Variants in CACNA1C observed in about 807,000 individuals in gnomAD.
CACNA1C encodes voltage-dependent L-type calcium channel subunit alpha-1C.
CACNA1C carries 30 observed loss-of-function variants against 229.0 expected under a neutral mutation model. That is an observed-to-expected ratio of 0.13 (90% CI 0.10 to 0.18). CACNA1C has a LOEUF of 0.18. Among genes scored for constraint, CACNA1C ranks in the 10% least tolerant of loss-of-function variants. CACNA1C has a pLI of 1.00. For synonymous variants in CACNA1C, 1,114 were observed against 1,132.5 expected (o/e 0.98, Z 0.33); for missense variants, 1,658 against 2,845.0 (o/e 0.58, Z 9.49).
chr12:2,558,073 A>G (rs1394731454), intron 11 of CACNA1C, among the ~76,000 whole-genome samples: 1 of 152,330 alleles, frequency 6.6e-6, no homozygotes, highest in African/African-American at 2.4e-5. Flanking sequence ...CCAGCTGAGT[A>G]AATGTAGCCC....
intron 1 of CACNA1C, among the ~76,000 whole-genome samples, chr12:2,109,861 A>T (rs2080947626): frequency 6.6e-6 from 1 of 152,202 alleles, no homozygotes. Flanking sequence ...GTAGAAGAGC[A>T]TATGGCTTGA....
intron 7 of CACNA1C, among the ~76,000 whole-genome samples, chr12:2,499,543 G>A: frequency 6.6e-6 from 1 of 152,136 alleles, no homozygotes; most frequent in East Asian, 1.9e-4. Flanking sequence ...TTTAAATCTG[G>A]GGTTCCCTTC....
rs142234121 is a variant in CACNA1C at position 2,325,592 on chromosome 12, C to T, written c.478-123384C>T. Among the ~76,000 whole-genome samples, 22 of 152,342 alleles carry T rather than the reference C, an allele frequency of 1.4e-4. 1 individual carries two copies. In the East Asian group the frequency reaches 1.7e-3, roughly 12 times the overall value. Reference sequence around the variant, plus strand: ...AGCTCCCACTGTACCATTTGTAATACGGGGATAAGTGAAGTTACGCACACA... The same window carrying T: ...AGCTCCCACTGTACCATTTGTAATATGGGGATAAGTGAAGTTACGCACACA... On this transcript the variant is annotated intron_variant, in intron 3 of 46. Coordinates refer to ENST00000399655, the MANE Select transcript of CACNA1C (RefSeq NM_000719.7).
chr12:2,229,116 T>C (rs2063922457), intron 3 of CACNA1C, among the ~76,000 whole-genome samples: 2 of 152,162 alleles, frequency 1.3e-5, no homozygotes, highest in Admixed American at 1.3e-4. Flanking sequence ...AGCACAGGAT[T>C]TGGAGTTCTG....
chr12:2,008,717 G>A (rs2043895498), intron 1 of CACNA1C, among the ~76,000 whole-genome samples: 1 of 152,066 alleles, frequency 6.6e-6, no homozygotes, highest in African/African-American at 2.4e-5. Flanking sequence ...AAGGTTTTTG[G>A]TTTTTTAACT....
intron 13 of CACNA1C, among the ~76,000 whole-genome samples, chr12:2,580,909 C>G (rs2060244687): frequency 6.6e-6 from 1 of 152,218 alleles, no homozygotes; most frequent in Admixed American, 6.5e-5. Flanking sequence ...ACAAAGATAT[C>G]TGGGCCCCAA....
chr12:2,202,837 C>A (rs2097634047), intron 3 of CACNA1C, among the ~76,000 whole-genome samples: 2 of 152,110 alleles, frequency 1.3e-5, no homozygotes, highest in South Asian at 4.2e-4. Flanking sequence ...GGACCCTGGG[C>A]CTTGAGAATG....
At chr12:2,544,295 G>A (rs2099877153) in intron 9 of CACNA1C, among the ~76,000 whole-genome samples, 1 of 152,144 alleles carries the variant, frequency 6.6e-6, no homozygotes, top group African/African-American at 2.4e-5. Flanking sequence ...TCCTTACCAG[G>A]CAACATCCAA....
chr12:2,141,646 G>A (rs538009398), intron 3 of CACNA1C, among the ~76,000 whole-genome samples: 2 of 151,462 alleles, frequency 1.3e-5, no homozygotes, highest in East Asian at 3.9e-4. Context: ...CAGGCTCCTC[G>A]CTGATGGGGG....
chr12:2,207,048 A>G (rs983524297), intron 3 of CACNA1C, among the ~76,000 whole-genome samples: 3 of 152,198 alleles, frequency 2.0e-5, no homozygotes, highest in African/African-American at 7.2e-5. Flanking sequence ...TGTTGTGTAG[A>G]GCCCGTCGAG....
chr12:2,438,242 GTGA>G (rs1441977510), intron 3 of CACNA1C, among the ~76,000 whole-genome samples: 5 of 145,938 alleles, frequency 3.4e-5, no homozygotes, highest in South Asian at 4.7e-4. Context: ...GGTGGGGATG[GTGA>G]TGATAATGAT....
In CACNA1C at chr12:2,474,481, G is replaced by A. The variant is rs574477255; in HGVS notation, c.758-11623G>A. Among the ~76,000 whole-genome samples, 120 of 152,212 alleles carry A rather than the reference G, an allele frequency of 7.9e-4. 1 individual carries two copies. Among genetic ancestry groups the A allele is most frequent in the Non-Finnish European group, 1.6e-3 (108 of 68,050 alleles). On this transcript the variant is annotated intron_variant, in intron 5 of 46. Coordinates refer to ENST00000399655, the MANE Select transcript of CACNA1C (RefSeq NM_000719.7). ...ATAAGAAGTACAGGCCAGGCCAGGC[G>A]CAGTAGCTCACGCCTATAATCCCAG...
In CACNA1C at chr12:2,349,545, G is replaced by A. The variant is rs117635708; in HGVS notation, c.478-99431G>A. Among the ~76,000 whole-genome samples the A allele has an allele frequency of 1.2e-4, 19 of 152,264 alleles. No homozygotes were observed. The East Asian group carries it at 2.9e-3, about 23-fold the overall frequency. ...ATGCAAAGCAGAGAAGAGCTCCCAC[G>A]TCTGCCCCCTGCCCTCCTCCCCTCT... On this transcript the variant is annotated intron_variant, in intron 3 of 46. Transcript: ENST00000399655.
At chr12:2,427,436 T>C (rs1463616479) in intron 3 of CACNA1C, among the ~76,000 whole-genome samples, 1 of 152,134 alleles carries the variant, frequency 6.6e-6, no homozygotes, top group Non-Finnish European at 1.5e-5. Context: ...GCTTTTGTAC[T>C]GATCAATAAA....
chr12:2,667,035 C>G (rs2096170125), intron 37 of CACNA1C, among the ~76,000 whole-genome samples: 1 of 152,156 alleles, frequency 6.6e-6, no homozygotes, highest in Non-Finnish European at 1.5e-5. Flanking sequence ...ATCCGGGCAT[C>G]CTGGGGTGGG....
intron 1 of CACNA1C, among the ~76,000 whole-genome samples, chr12:2,107,018 C>T (rs554120670): frequency 9.5e-6 from 1 of 104,790 alleles, no homozygotes; most frequent in African/African-American, 3.3e-5. Context: ...TGGGTGCCCA[C>T]CCCGGGGAGG....
Position 2,620,251 on chromosome 12 carries a change from G to A in CACNA1C, c.3828+8238G>A, listed in dbSNP as rs544502066. On this transcript the variant is annotated intron_variant, in intron 29 of 46. Transcript: ENST00000399655. ...TAACAAACACCATCCTGCTTAGTAT[G>A]CACCCTAATACTGCTCTAAGCACCT... Among the ~76,000 whole-genome samples the A allele has an allele frequency of 2.5e-3, 58 of 22,854 alleles. 2 individuals are homozygous for A. Among genetic ancestry groups the A allele is most frequent in the Non-Finnish European group, 7.2e-3 (2 of 276 alleles). 15.0% of individuals were successfully genotyped at this position (22,854 alleles called of 152,430 possible).
chr12:2,581,412 T>C (rs537026369), intron 13 of CACNA1C, among the ~76,000 whole-genome samples, 178 bp from the exon 14 acceptor site: 40 of 152,266 alleles, frequency 2.6e-4, no homozygotes, highest in Middle Eastern at 3.4e-3. Context: ...AGACCTTGAA[T>C]TAACTCCCTC....
At position 2,102,285 on chromosome 12, in the gene CACNA1C, C is replaced by T. The variant is rs150792093; in HGVS notation, c.50-12939C>T. Among the ~76,000 whole-genome samples the T allele has an allele frequency of 1.6e-3, 239 of 152,346 alleles. 1 individual carries two copies. Among genetic ancestry groups the T allele is most frequent in the African/African-American group, 5.3e-3 (220 of 41,578 alleles). Reference sequence around the variant, plus strand: ...CATGCAGCCAATGTGTTTTGAGTGCCTCCTGGCAACACTGTACTAGGATTT... The same window carrying T: ...CATGCAGCCAATGTGTTTTGAGTGCTTCCTGGCAACACTGTACTAGGATTT... On this transcript the variant is annotated intron_variant, in intron 1 of 46. Coordinates refer to ENST00000399655, the MANE Select transcript of CACNA1C (RefSeq NM_000719.7).
Sources: gnomAD v4.1 joint callset for allele counts (sites outside exome capture counted in the v4.1 genomes callset) on GRCh38, gnomAD v4.1.1 for gene constraint, MANE v1.5 for transcripts, NCBI Gene and HGNC (gene_info 2026-07-23, HGNC 2026-07-21) for gene names.